OPCML: variants seen among roughly 807,000 people sequenced by gnomAD.
OPCML encodes the protein opioid-binding protein/cell adhesion molecule.
In OPCML, 13 loss-of-function variants were observed where a neutral mutation model predicts 37.8. That is an observed-to-expected ratio of 0.34 (90% CI 0.22 to 0.55). OPCML has a LOEUF of 0.55. Among genes scored for constraint, OPCML ranks in the 20% least tolerant of loss-of-function variants. The pLI is 0.91. For synonymous variants in OPCML, 176 were observed against 168.8 expected, an observed-to-expected ratio of 1.04 and a Z score of -0.33; for missense variants, 341 against 435.6, an observed-to-expected ratio of 0.78 and a Z score of 1.93.
intron 1 of OPCML, among the ~76,000 whole-genome samples, chr11:133,077,445 A>G (rs1008374115): frequency 2.0e-5 from 3 of 152,214 alleles, no homozygotes; most frequent in Non-Finnish European, 2.9e-5. Flanking sequence ...ACTGGATTCT[A>G]TACAATTTTA....
intron 2 of OPCML, among the ~76,000 whole-genome samples, chr11:132,695,527 G>A (rs1943569557): frequency 1.3e-5 from 2 of 152,150 alleles, no homozygotes; most frequent in African/African-American, 4.8e-5. Flanking sequence ...CAGATGCTGA[G>A]GGGTTTCATG....
In OPCML at chr11:133,214,502, G is replaced by A. The variant is rs538378014; in HGVS notation, c.62-271492C>T. 2.2e-4 allele frequency among the ~76,000 whole-genome samples: 34 copies of A among 152,122 alleles called. No individual in the cohort carries two copies. The South Asian group carries it at 2.3e-3, about 10-fold the overall frequency. The stretch of plus-strand genomic sequence containing the variant: ...GTAATGTTCAGGTTTTGAAAAAAAG[G>A]CGAACTGTTGTTTGTCTCAAATAGT... On this transcript the variant is annotated intron_variant, in intron 1 of 7. Transcript: ENST00000524381.
Position 132,435,586 on chromosome 11 carries a change from G to C in OPCML, c.916+500C>G, listed in dbSNP as rs542651774. Among the ~76,000 whole-genome samples, 21 of 152,254 alleles carry C rather than the reference G, an allele frequency of 1.4e-4. No individual in the cohort carries two copies. In the South Asian group the frequency reaches 4.4e-3, roughly 32 times the overall value. On this transcript the variant is annotated intron_variant, in intron 7 of 7. Coordinates refer to ENST00000524381, the MANE Select transcript of OPCML (RefSeq NM_001012393.5). ...ATGGGAGGGAAAGATCTTCAGAGAG[G>C]GTTTGCTGCTCCAGTTGTGGATAGA...
chr11:132,682,722 C>T (rs578246637), intron 2 of OPCML, among the ~76,000 whole-genome samples: 1 of 152,292 alleles, frequency 6.6e-6, no homozygotes, highest in South Asian at 2.1e-4. Context: ...GTGTAAAGGA[C>T]CCATCTCAGC....
At chr11:132,956,785 A>T (rs556655442) in intron 1 of OPCML, among the ~76,000 whole-genome samples, 4 of 152,244 alleles carry the variant, frequency 2.6e-5, no homozygotes, top group African/African-American at 9.6e-5. Flanking sequence ...CAGCAACTCT[A>T]GTTTCCTGTC....
intron 2 of OPCML, among the ~76,000 whole-genome samples, chr11:132,715,225 G>A (rs1000679797): frequency 1.3e-5 from 2 of 152,160 alleles, no homozygotes; most frequent in Non-Finnish European, 2.9e-5. Context: ...TAGTTTAACT[G>A]GCTCACTCAC....
At chr11:133,045,261 A>AC (rs1947985254) in intron 1 of OPCML, among the ~76,000 whole-genome samples, 1 of 152,128 alleles carries the variant, frequency 6.6e-6, no homozygotes, top group Non-Finnish European at 1.5e-5. Flanking sequence ...TCATGTCTGC[A>AC]TTTTGTCCCC....
At chr11:133,282,893 T>G (rs912640917) in intron 1 of OPCML, among the ~76,000 whole-genome samples, 1 of 152,224 alleles carries the variant, frequency 6.6e-6, no homozygotes, top group African/African-American at 2.4e-5. Context: ...GACTTGTGTG[T>G]GGCCTACTGC....
intron 1 of OPCML, among the ~76,000 whole-genome samples, chr11:133,129,251 T>C (rs2137133303): frequency 6.6e-6 from 1 of 152,220 alleles, no homozygotes; most frequent in East Asian, 1.9e-4. Context: ...AAGTACTCAG[T>C]TGAGTACAGA....
At chr11:132,441,020 G>A (rs1331892612) in intron 4 of OPCML, among the ~76,000 whole-genome samples, 1 of 151,918 alleles carries the variant, frequency 6.6e-6, no homozygotes, top group African/African-American at 2.4e-5. Flanking sequence ...GAAGGAAAAC[G>A]GGCAGGGAGA....
chr11:133,089,125 G>A (rs1226303151), intron 1 of OPCML, among the ~76,000 whole-genome samples: 1 of 152,196 alleles, frequency 6.6e-6, no homozygotes, highest in Admixed American at 6.5e-5. Flanking sequence ...CCAAAAAGGA[G>A]CAGCTGATCT....
At chr11:132,849,765 G>GT (rs1941715630) in intron 2 of OPCML, among the ~76,000 whole-genome samples, 1 of 152,124 alleles carries the variant, frequency 6.6e-6, no homozygotes, top group Admixed American at 6.5e-5. Context: ...AGCTGGCAAG[G>GT]AAGGCAGAGT....
intron 1 of OPCML, among the ~76,000 whole-genome samples, chr11:133,372,109 A>T (rs1445181828): frequency 6.6e-6 from 1 of 152,190 alleles, no homozygotes; most frequent in Non-Finnish European, 1.5e-5. Flanking sequence ...TTAATATTTG[A>T]CAGCACAGTA....
In OPCML at chr11:132,415,751, GGCTAA is replaced by G. The variant is rs1211203049; in HGVS notation, c.*4437_*4441del. ...GGACTCTAAGTATTCTGCACCTGAA[GGCTAA>G]ATTGAACTGGCTCAGCCCTATCTTT... is the stretch of plus-strand genomic sequence containing the variant. On this transcript the variant is annotated 3_prime_UTR_variant, in exon 8 of 8. Transcript: ENST00000524381. 1 of 152,626 alleles carries G rather than the reference GGCTAA, an allele frequency of 6.6e-6. No homozygotes were observed. The highest frequency in any genetic ancestry group is 6.5e-5 in the Admixed American group (1 of 15,284). 9.5% of individuals were successfully genotyped at this position (152,626 alleles called of 1,614,324 possible).
intron 1 of OPCML, among the ~76,000 whole-genome samples, chr11:133,180,014 C>A (rs747100924): frequency 1.3e-5 from 2 of 152,270 alleles, no homozygotes; most frequent in African/African-American, 4.8e-5. Context: ...CAGAAGGCAA[C>A]CATGGGCCTT....
At chr11:132,875,046 T>C (rs1015932294) in intron 2 of OPCML, among the ~76,000 whole-genome samples, 39 of 152,180 alleles carry the variant, frequency 2.6e-4, no homozygotes, top group African/African-American at 8.9e-4. Flanking sequence ...TCTACGCAAG[T>C]TTTTAAGCAT....
intron 2 of OPCML, among the ~76,000 whole-genome samples, chr11:132,923,240 A>AT (rs34800116): frequency 0.051 from 7,764 of 152,042 alleles, 309 homozygotes; most frequent in Middle Eastern, 0.16. Context: ...GGTCAGACAC[A>AT]TTTTTTTCCA....
chr11:132,984,618 T>A (rs1591879822), intron 1 of OPCML, among the ~76,000 whole-genome samples: 1 of 152,294 alleles, frequency 6.6e-6, no homozygotes, highest in East Asian at 1.9e-4. Context: ...CAGAACCTTG[T>A]CCAGTATTTT....
chr11:132,866,923 G>C (rs1464967630), intron 2 of OPCML, among the ~76,000 whole-genome samples: 1 of 152,280 alleles, frequency 6.6e-6, no homozygotes, highest in East Asian at 1.9e-4. Context: ...TGTATTCACT[G>C]ATCAACTTCT....
Sources: allele counts gnomAD v4.1 joint callset (sites outside exome capture counted in the v4.1 genomes callset), GRCh38; gene constraint gnomAD v4.1.1; transcripts MANE v1.5; gene names NCBI Gene and HGNC (gene_info 2026-07-23, HGNC 2026-07-21).